ADGRB3: variants seen among roughly 807,000 people sequenced by gnomAD.
ADGRB3 encodes the protein adhesion G protein-coupled receptor B3, also known as brain-specific angiogenesis inhibitor 3.
A neutral mutation model predicts 193.4 loss-of-function variants in ADGRB3; 37 were observed. The ratio of observed to expected loss-of-function variants is 0.19; its 90% CI spans 0.15 to 0.25. ADGRB3 has a LOEUF of 0.25. Among genes scored for constraint, ADGRB3 ranks in the 10% least tolerant of loss-of-function variants. The pLI is 1.00. For synonymous variants in ADGRB3, 690 were observed against 644.2 expected (o/e 1.07, Z -1.08); for missense variants, 1,637 against 1,852.9 (o/e 0.88, Z 2.14).
intron 11 of ADGRB3, among the ~76,000 whole-genome samples, chr6:68,998,671 AT>A (rs1383876602): frequency 6.6e-6 from 1 of 152,230 alleles, no homozygotes; most frequent in Non-Finnish European, 1.5e-5. Flanking sequence ...CCCATTGTTT[AT>A]TTTTGATGCC....
chr6:68,740,158 C>T (rs1180959559), intron 3 of ADGRB3, among the ~76,000 whole-genome samples: 1 of 152,092 alleles, frequency 6.6e-6, no homozygotes, highest in African/African-American at 2.4e-5. Context: ...ATTTCCTTTA[C>T]ACAAATCTCA....
chr6:68,677,521 C>CTTTTTTTTTTTTTTTTTTTT (rs1002070733), intron 3 of ADGRB3, among the ~76,000 whole-genome samples: 2 of 120,332 alleles, frequency 1.7e-5, no homozygotes, highest in Non-Finnish European at 3.4e-5. Flanking sequence ...TTCTTTTTTT[C>CTTTTTTTTTTTTTTTTTTTT]TTTTTTTTTT....
chr6:69,211,134 A>AG (rs1178456978), intron 17 of ADGRB3, among the ~76,000 whole-genome samples: 1 of 152,168 alleles, frequency 6.6e-6, no homozygotes, highest in Non-Finnish European at 1.5e-5. Context: ...AAGAAAAAAA[A>AG]GAAATATAAG....
chr6:68,646,078 T>C (rs1285679493), intron 3 of ADGRB3, among the ~76,000 whole-genome samples: 2 of 152,220 alleles, frequency 1.3e-5, no homozygotes, highest in African/African-American at 2.4e-5. Context: ...TATATTCTTA[T>C]GCAATTTTCT....
At chr6:68,704,687 A>C (rs1765295594) in intron 3 of ADGRB3, among the ~76,000 whole-genome samples, 1 of 152,226 alleles carries the variant, frequency 6.6e-6, no homozygotes, top group Admixed American at 6.5e-5. Flanking sequence ...ATGTATAATT[A>C]TGCTTTGATT....
intron 3 of ADGRB3, among the ~76,000 whole-genome samples, chr6:68,860,500 T>G (rs923802533): frequency 2.0e-5 from 3 of 152,214 alleles, no homozygotes; most frequent in Non-Finnish European, 4.4e-5. Flanking sequence ...GATTTCCTGT[T>G]TCTGAATTAT....
At chr6:68,773,461 A>G (rs1766678767) in intron 3 of ADGRB3, among the ~76,000 whole-genome samples, 1 of 152,162 alleles carries the variant, frequency 6.6e-6, no homozygotes, top group African/African-American at 2.4e-5. Flanking sequence ...AGAACCCATT[A>G]TTAGTGCGTA....
chr6:69,278,792 A>T (rs921456651), intron 20 of ADGRB3, among the ~76,000 whole-genome samples: 1 of 151,836 alleles, frequency 6.6e-6, no homozygotes, highest in African/African-American at 2.4e-5. Flanking sequence ...TTTTCTGTAA[A>T]TTGGGAGTAA....
chr6:68,863,813 C>A (rs1446981239), intron 3 of ADGRB3, among the ~76,000 whole-genome samples: 1 of 152,050 alleles, frequency 6.6e-6, no homozygotes, highest in Non-Finnish European at 1.5e-5. Context: ...TTAAATCATG[C>A]CTTTCTTAAA....
intron 13 of ADGRB3, among the ~76,000 whole-genome samples, chr6:69,031,028 TC>T (rs56274331): frequency 0.034 from 2,818 of 83,956 alleles, 510 homozygotes; most frequent in Middle Eastern, 0.076. Context: ...TTTTTTTTCC[TC>T]TTCTCTTCTC....
intron 3 of ADGRB3, among the ~76,000 whole-genome samples, chr6:68,860,189 C>A (rs1765112673): frequency 6.6e-6 from 1 of 152,058 alleles, no homozygotes. Context: ...AATCAAGCCT[C>A]ACACAGATAT....
rs762465422 is a variant in ADGRB3, at chr6:68,839,109, C to CACAT, written c.758-91449_758-91448insCATA. Among the ~76,000 whole-genome samples the CACAT allele has an allele frequency of 7.6e-3, 1,031 of 135,152 alleles. 59 individuals are homozygous for CACAT. The East Asian group carries it at 0.09, about 12-fold the overall frequency. The allele number at this position is 135,152 out of a possible 152,430, so 88.7% of individuals were successfully genotyped here. A position where few individuals can be genotyped will look rare whatever the true frequency, so the allele number is the denominator to read the frequency against. On this transcript the variant is annotated intron_variant, in intron 3 of 31. Coordinates refer to ENST00000370598, the MANE Select transcript of ADGRB3 (RefSeq NM_001704.3). ...ACACACACACACACACACACACACA[C>CACAT]ATTCCCACATACACACATTAGACCT...
chr6:69,107,936 A>G (rs1773258021), intron 17 of ADGRB3, among the ~76,000 whole-genome samples: 1 of 152,030 alleles, frequency 6.6e-6, no homozygotes, highest in Non-Finnish European at 1.5e-5. Flanking sequence ...CCAACTACTG[A>G]GGACTGCGCT....
intron 3 of ADGRB3, among the ~76,000 whole-genome samples, chr6:68,701,770 A>G (rs1156944757): frequency 1.3e-5 from 2 of 152,106 alleles, no homozygotes; most frequent in Non-Finnish European, 2.9e-5. Flanking sequence ...GCTCTTCATT[A>G]TTGTTGTTCT....
chr6:68,927,573 C>T (rs1408657481), intron 3 of ADGRB3, among the ~76,000 whole-genome samples: 3 of 152,214 alleles, frequency 2.0e-5, no homozygotes, highest in East Asian at 1.9e-4. Context: ...TTAAATCTTA[C>T]TGTTAATAGC....
intron 13 of ADGRB3, among the ~76,000 whole-genome samples, chr6:69,020,220 C>G (rs1041281825): frequency 6.6e-6 from 1 of 152,018 alleles, no homozygotes; most frequent in African/African-American, 2.4e-5. Flanking sequence ...AAAGAATGCT[C>G]AGATCAATAC....
chr6:68,925,424 A>G (rs977880893), intron 3 of ADGRB3, among the ~76,000 whole-genome samples: 2 of 151,860 alleles, frequency 1.3e-5, no homozygotes, highest in Non-Finnish European at 2.9e-5. Context: ...ATCTAATAAC[A>G]TTTTTCAGAA....
chr6:69,089,945 C>T (rs1772658993), intron 17 of ADGRB3, among the ~76,000 whole-genome samples: 1 of 152,194 alleles, frequency 6.6e-6, no homozygotes, highest in Admixed American at 6.5e-5. Context: ...TATAGGGGAA[C>T]TTGTTGAAAA....
At chr6:68,931,673 A>C (rs1378365665) in intron 4 of ADGRB3, among the ~76,000 whole-genome samples, 1 of 152,138 alleles carries the variant, frequency 6.6e-6, no homozygotes, top group East Asian at 1.9e-4. Context: ...TTCAGTTCAC[A>C]TGTTCTTAAG....
Sources: allele counts gnomAD v4.1 joint callset (sites outside exome capture counted in the v4.1 genomes callset), GRCh38; gene constraint gnomAD v4.1.1; transcripts MANE v1.5; gene names NCBI Gene and HGNC (gene_info 2026-07-23, HGNC 2026-07-21).